The following SEL1L3 variants were observed in gnomAD, a reference collection of about 807,000 sequenced individuals.
SEL1L3 encodes SEL1L family member 3.
SEL1L3 carries 76 observed loss-of-function variants against 142.8 expected under a neutral mutation model. That is an observed-to-expected ratio of 0.53 (90% CI 0.44 to 0.64). SEL1L3 has a LOEUF of 0.64. SEL1L3 is among the 30% of genes least tolerant of loss of function. The probability of loss-of-function intolerance (pLI) is 0.00; values close to 1 mark genes in which losing one functional copy is unlikely to be tolerated. For missense variants in SEL1L3, 1,262 were observed against 1,381.7 expected (o/e 0.91, Z 1.37); for synonymous variants, 504 against 519.6 (o/e 0.97, Z 0.41).
intron 7 of SEL1L3, among the ~76,000 whole-genome samples, chr4:25,821,551 C>T (rs1477290571): frequency 2.0e-5 from 3 of 152,228 alleles, no homozygotes; most frequent in Admixed American, 6.5e-5. Context: ...TGCTGCCAAC[C>T]GACCCCAGCG....
upstream of SEL1L3, chr4:25,863,298 C>T: frequency 4.7e-6 from 2 of 429,638 alleles, no homozygotes; most frequent in East Asian, 5.1e-5. Flanking sequence ...TCCCCCTCCT[C>T]TCCCTCCGGC....
At chr4:25,810,251 G>C (rs1484615582) in intron 9 of SEL1L3, among the ~76,000 whole-genome samples, 1 of 152,166 alleles carries the variant, frequency 6.6e-6, no homozygotes, top group South Asian at 2.1e-4. Flanking sequence ...GATGTCCCTG[G>C]GGCCATGCTG....
chr4:25,819,772 G>T, intron 8 of SEL1L3, 36 bp downstream of exon 8: 1 of 1,581,210 alleles, frequency 6.3e-7, no homozygotes, highest in Non-Finnish European at 8.6e-7. Flanking sequence ...TAAATGCACA[G>T]AGCTTAAAAC....
chr4:25,820,268 C>T (rs1714664250), intron 7 of SEL1L3, among the ~76,000 whole-genome samples: 3 of 152,086 alleles, frequency 2.0e-5, no homozygotes, highest in Admixed American at 6.5e-5. Flanking sequence ...TCAATTCCCA[C>T]GAAAAGATGC....
At chr4:25,718,987 A>C in the SEL1L3 span, 2 of 152,106 alleles carry the variant, frequency 1.3e-5, no homozygotes, top group African/African-American at 4.8e-5. Flanking sequence ...GACCAGCCTG[A>C]CCAACATGAA....
intron 1 of SEL1L3, 135 bp downstream of exon 1, chr4:25,862,540 G>T: frequency 2.3e-6 from 1 of 430,490 alleles, no homozygotes; most frequent in Non-Finnish European, 3.7e-6. Context: ...GGGAACGCCC[G>T]GGGCGCAGCG....
chr4:25,782,458 T>C (rs758458392), intron 14 of SEL1L3, 40 bp from the exon 15 acceptor site: 32 of 1,575,198 alleles, frequency 2.0e-5, no homozygotes, highest in African/African-American at 2.7e-5. Context: ...TTTAGAAAAA[T>C]GAAATCTAGA....
At chr4:25,728,899 C>T in the SEL1L3 span, among the ~76,000 whole-genome samples, 1 of 152,096 alleles carries the variant, frequency 6.6e-6, no homozygotes, top group Non-Finnish European at 1.5e-5. Flanking sequence ...ATCCTAAGCC[C>T]CCTGATCAAC....
intron 8 of SEL1L3, 99 bp from the exon 9 acceptor site, chr4:25,818,377 C>A: frequency 9.4e-7 from 1 of 1,064,490 alleles, no homozygotes; most frequent in Non-Finnish European, 1.3e-6. Flanking sequence ...GAAAGACTTG[C>A]CATTACTGGA....
Position 25,835,317 on chromosome 4 carries a change from A to T in SEL1L3, c.740T>A (p.Val247Asp). Residue 247 changes from valine to aspartate, a missense_variant, in exon 3 of 24, where the codon GTT (valine) becomes GAT (aspartate). This residue lies in a region of SEL1L3 where 689 missense variants were observed against 692.8 expected (regional missense o/e 0.99). Coordinates refer to ENST00000399878, the MANE Select transcript of SEL1L3 (RefSeq NM_015187.5). ...IPQCPLENDV[V>D]ALLGFPYASS... ...GGCATAAGGAAAGCCAAGCAGGGCA[A>T]CCACATCTGCAAACAGCAAAATGGC... 1 of 1,613,920 alleles carries T rather than the reference A, an allele frequency of 6.2e-7. No homozygotes were observed. Among genetic ancestry groups the T allele is most frequent in the Middle Eastern group, 1.6e-4 (1 of 6,062 alleles).
intron 6 of SEL1L3, among the ~76,000 whole-genome samples, chr4:25,824,060 A>G (rs899127634): frequency 6.6e-6 from 1 of 152,066 alleles, no homozygotes; most frequent in African/African-American, 2.4e-5. Context: ...AGCTCCTGAT[A>G]TTTTTCTTTT....
At chr4:25,863,282 C>T (rs555607967), upstream of SEL1L3, among the ~76,000 whole-genome samples, 1 of 117,972 alleles carries the variant, frequency 8.5e-6, no homozygotes, top group African/African-American at 3.3e-5. Flanking sequence ...CTCCTGCTCT[C>T]TGCGATCCCC....
chr4:25,826,861 A>C (rs145029302), intron 6 of SEL1L3, among the ~76,000 whole-genome samples: 3,214 of 152,026 alleles, frequency 0.021, 107 homozygotes, highest in African/African-American at 0.073. Context: ...TTGGGGTTTC[A>C]CCATGTTGCC....
chr4:25,780,499 C>T (rs1719922252), intron 15 of SEL1L3, among the ~76,000 whole-genome samples: 1 of 152,030 alleles, frequency 6.6e-6, no homozygotes, highest in Non-Finnish European at 1.5e-5. Context: ...ACTCCACTCC[C>T]CTGGCCTCCC....
At chr4:25,753,919 G>C (rs539450382) in intron 23 of SEL1L3, among the ~76,000 whole-genome samples, 13 of 152,180 alleles carry the variant, frequency 8.5e-5, no homozygotes, top group Admixed American at 8.5e-4. Flanking sequence ...GAGAGATGGA[G>C]GTTGCAGTGA....
At chr4:25,746,910 G>A (rs1414630639), downstream of SEL1L3, among the ~76,000 whole-genome samples, 8 of 151,930 alleles carry the variant, frequency 5.3e-5, no homozygotes, top group South Asian at 1.7e-3. Context: ...ATATTATCTC[G>A]TGTAAGCCTC....
At position 25,788,515 on chromosome 4, in the gene SEL1L3, C is replaced by T. The variant is rs779068520; in HGVS notation, c.2077-151G>A. Among the ~76,000 whole-genome samples the T allele has an allele frequency of 3.3e-5, 5 of 151,782 alleles. No individual in the cohort carries two copies. The highest frequency in any genetic ancestry group is 7.4e-5 in the Non-Finnish European group (5 of 67,992). On this transcript the variant is annotated intron_variant, in intron 12 of 23. Coordinates refer to ENST00000399878, the MANE Select transcript of SEL1L3 (RefSeq NM_015187.5). This position sits in a 1 kb window ranked among gnomAD's most constrained non-coding sequence, Gnocchi z 5.3. ...TTTATCTTCCAACTGGAGGCCAGAG[C>T]CCTGAATGTGGACTTATGTAAATAC...
intron 19 of SEL1L3, among the ~76,000 whole-genome samples, chr4:25,766,499 C>T (rs1204436335): frequency 2.6e-5 from 4 of 151,528 alleles, no homozygotes; most frequent in South Asian, 2.1e-4. Context: ...AAACAGAACC[C>T]GTTTCAAGTG....
chr4:25,755,251 T>TTTTTATTTTATTTTA (rs57302921), intron 23 of SEL1L3, among the ~76,000 whole-genome samples: 29 of 148,968 alleles, frequency 1.9e-4, no homozygotes, highest in Admixed American at 1.2e-3. Context: ...ACCTGGCTAA[T>TTTTTATTTTATTTTA]TTTTATTTTA....
Sources: gnomAD v4.1 joint callset for allele counts (sites outside exome capture counted in the v4.1 genomes callset) on GRCh38, gnomAD v4.1.1 for gene constraint, gnomAD v4.1.1 regional missense constraint, Gnocchi (gnomAD v3.1) non-coding constraint, MANE v1.5 for transcripts, NCBI Gene and HGNC (gene_info 2026-07-23, HGNC 2026-07-21) for gene names.